E2F3: variants seen among roughly 807,000 people sequenced by gnomAD.
The protein encoded by E2F3 is transcription factor E2F3.
E2F3 carries 11 observed loss-of-function variants against 44.4 expected under a neutral mutation model. That is an observed-to-expected ratio of 0.25 (90% CI 0.16 to 0.41). The LOEUF (loss-of-function observed/expected upper bound fraction) is 0.41, where lower values mean the gene tolerates loss of function less well. Among genes scored for constraint, E2F3 ranks in the 10% least tolerant of loss-of-function variants. The pLI, the probability that E2F3 is intolerant of heterozygous loss-of-function variation, is 1.00. For synonymous variants in E2F3, 249 were observed against 253.0 expected, an observed-to-expected ratio of 0.98 and a Z score of 0.15; for missense variants, 487 against 583.6, an observed-to-expected ratio of 0.83 and a Z score of 1.70.
At chr6:20,452,731 C>T (rs376853203) in intron 1 of E2F3, among the ~76,000 whole-genome samples, 15 of 152,094 alleles carry the variant, frequency 9.9e-5, no homozygotes, top group Admixed American at 4.6e-4. Flanking sequence ...GGGTGGATCA[C>T]GAGGTCAGGA....
chr6:20,431,360 G>A (rs1209577087), intron 1 of E2F3, among the ~76,000 whole-genome samples: 5 of 152,166 alleles, frequency 3.3e-5, no homozygotes, highest in Admixed American at 1.3e-4. Flanking sequence ...ACAGTACTCC[G>A]TCTGCTCCCA....
intron 1 of E2F3, among the ~76,000 whole-genome samples, chr6:20,428,368 A>G (rs1228317066): frequency 2.0e-5 from 3 of 152,104 alleles, no homozygotes; most frequent in Non-Finnish European, 4.4e-5. Context: ...GATTATAGGC[A>G]TATGCCACCA....
intron 1 of E2F3, among the ~76,000 whole-genome samples, chr6:20,455,771 T>A (rs771808690): frequency 1.2e-4 from 18 of 152,172 alleles, no homozygotes; most frequent in Admixed American, 2.0e-4. Flanking sequence ...TCATAAACAG[T>A]GTGGTAATAG....
At chr6:20,487,544 A>G (rs1762430238) in intron 5 of E2F3, among the ~76,000 whole-genome samples, 1 of 152,218 alleles carries the variant, frequency 6.6e-6, no homozygotes. Context: ...AAGTCCTACC[A>G]TAAAGGAACA....
intron 1 of E2F3, among the ~76,000 whole-genome samples, chr6:20,432,005 T>C (rs9295466): frequency 0.76 from 115,158 of 152,194 alleles, 47,860 homozygotes; most frequent in East Asian, 0.93. Flanking sequence ...TTCCTTCAGA[T>C]TGGATTTGGG....
At chr6:20,454,539 G>A (rs779451187) in intron 1 of E2F3, among the ~76,000 whole-genome samples, 8 of 152,138 alleles carry the variant, frequency 5.3e-5, no homozygotes, top group African/African-American at 9.7e-5. Context: ...CACTAGGACC[G>A]CTAGTGCTTT....
rs112679037 is a variant in E2F3, at chr6:20,477,925, C to G, written c.394-1921C>G. ...ACACACTCATGGCCGGGTGCAGTGG[C>G]TCACGGCTGTAATCCCAGCACTTTG... On this transcript the variant is annotated intron_variant, in intron 1 of 6. Transcript: ENST00000346618. 7.7e-3 allele frequency among the ~76,000 whole-genome samples: 1,167 copies of G among 152,198 alleles called. 5 individuals carry two copies. Among genetic ancestry groups the G allele is most frequent in the Middle Eastern group, 0.02 (6 of 294 alleles).
intron 1 of E2F3, among the ~76,000 whole-genome samples, chr6:20,449,179 C>T (rs1307905368): frequency 6.6e-6 from 1 of 152,112 alleles, no homozygotes; most frequent in Non-Finnish European, 1.5e-5. Context: ...TTTTATATAG[C>T]TCCATAATTT....
At chr6:20,431,945 G>T (rs1315939195) in intron 1 of E2F3, among the ~76,000 whole-genome samples, 1 of 152,222 alleles carries the variant, frequency 6.6e-6, no homozygotes, top group Non-Finnish European at 1.5e-5. Context: ...CTCCAAGATG[G>T]CTGCCTCTTC....
rs1051570870 is a variant in E2F3, at chr6:20,403,961, G to A, written c.393+1336G>A. The A allele has an allele frequency of 1.7e-5, 9 of 529,952 alleles. No homozygotes were observed. In the Middle Eastern group the frequency reaches 8.3e-4, roughly 49 times the overall value. The allele number at this position is 529,952 out of a possible 1,614,324, so 32.8% of individuals were successfully genotyped here. On this transcript the variant is annotated intron_variant, in intron 1 of 6. Transcript: ENST00000346618. ...GGGAACGGGGGGTTGGGTGCTCGAG[G>A]GAAATGAGTAAGCAAGAAAAATCTA... is the stretch of plus-strand genomic sequence containing the variant.
chr6:20,417,048 T>A (rs940058378), intron 1 of E2F3, among the ~76,000 whole-genome samples: 1 of 152,214 alleles, frequency 6.6e-6, no homozygotes, highest in Non-Finnish European at 1.5e-5. Flanking sequence ...ACTTCTGGCA[T>A]GTTTGACAAT....
At chr6:20,488,293 G>A (rs779542118) in intron 6 of E2F3, 45 bp downstream of exon 6, 1 of 1,547,186 alleles carries the variant, frequency 6.5e-7, no homozygotes, top group South Asian at 1.3e-5. Flanking sequence ...TTAAAAATGA[G>A]GGTGACTAGA....
intron 1 of E2F3, among the ~76,000 whole-genome samples, chr6:20,438,545 A>G (rs1157386565): frequency 6.6e-6 from 1 of 152,226 alleles, no homozygotes; most frequent in Non-Finnish European, 1.5e-5. Context: ...ATGTAAGACC[A>G]TAGGATATTT....
rs750169257 is a variant in E2F3, at chr6:20,482,829, G to C, written c.793G>C (p.Glu265Gln). The C allele has an allele frequency of 1.2e-6, 2 of 1,613,494 alleles. No homozygotes were observed. The change falls in exon 4 of 7, where the codon GAG becomes CAG. Residue 265 changes from glutamate (E) to glutamine (Q), a missense_variant. Glu to Gln is a conservative substitution (Grantham distance 29). Around this residue, in one of 3 missense-constraint regions of E2F3, gnomAD observed 220 missense variants for 261.7 expected, o/e 0.84. Coordinates refer to ENST00000346618, the MANE Select transcript of E2F3 (RefSeq NM_001949.5). ...TCAAGGCCTGTCAAAAGAAGTGACC[G>C]AGCTCAGTCAGGAAGAGAAGAAATT... ...QCQGLSKEVT[E>Q]LSQEEKKLDE...
At chr6:20,479,011 G>C (rs1413713562) in intron 1 of E2F3, among the ~76,000 whole-genome samples, 1 of 152,026 alleles carries the variant, frequency 6.6e-6, no homozygotes, top group Non-Finnish European at 1.5e-5. Flanking sequence ...TGCTTACTAA[G>C]CCCAATGCCT....
At position 20,402,480 on chromosome 6, in the gene E2F3, CCCT is replaced by C. The variant is rs757483296; in HGVS notation, c.254_256del (p.Leu85del). On this transcript the variant is annotated inframe_deletion, in exon 1 of 7. Transcript: ENST00000346618. The surrounding 1 kb of genome is among the most constrained non-coding windows in gnomAD (Gnocchi z 5.6). ...CAAAGCGGCGCCGTAGCCGCCGGCCCCCTCCTCCCCAGTGCCCCCGGCGCGGAG... is the reference window on the plus strand; with the variant it reads ...CAAAGCGGCGCCGTAGCCGCCGGCCCCCTCCCCAGTGCCCCCGGCGCGGAG... 1.2e-6 allele frequency: 2 copies of C among 1,608,916 alleles called. No individual in the cohort carries two copies. The highest frequency in any genetic ancestry group is 1.7e-6 in the Non-Finnish European group (2 of 1,179,342).
rs772724886 is a variant in E2F3, at chr6:20,488,094, C to T, written c.1000-19C>T. ...CTAAAAGAACTTCTGATTCGAACTT[C>T]TCCCACTTCTGTTCATAGAGCCTAC... is the stretch of plus-strand genomic sequence containing the variant. On this transcript the variant is annotated intron_variant, in intron 5 of 6. Transcript: ENST00000346618. 1.9e-6 allele frequency: 3 copies of T among 1,612,144 alleles called. No homozygotes were observed. Among genetic ancestry groups the T allele is most frequent in the Admixed American group, 1.7e-5 (1 of 59,706 alleles).
intron 1 of E2F3, among the ~76,000 whole-genome samples, chr6:20,452,175 G>C (rs980119285): frequency 2.6e-5 from 4 of 152,140 alleles, no homozygotes; most frequent in African/African-American, 9.7e-5. Context: ...CTGTAAATCT[G>C]TCTGGTCCTG....
At chr6:20,431,809 G>A (rs1046449410) in intron 1 of E2F3, among the ~76,000 whole-genome samples, 18 of 152,140 alleles carry the variant, frequency 1.2e-4, no homozygotes, top group Non-Finnish European at 1.5e-5. Flanking sequence ...CATTAGTCTG[G>A]TAGGGCTGCC....
Sources: allele counts gnomAD v4.1 joint callset (sites outside exome capture counted in the v4.1 genomes callset), GRCh38; gene constraint gnomAD v4.1.1; regional missense constraint gnomAD v4.1.1; non-coding constraint Gnocchi (gnomAD v3.1); transcripts MANE v1.5; gene names NCBI Gene and HGNC (gene_info 2026-07-23, HGNC 2026-07-21).